The following SMOC2 variants were observed in gnomAD, a reference collection of about 807,000 sequenced individuals.
The protein encoded by SMOC2 is SPARC related modular calcium binding 2.
In SMOC2, 39 loss-of-function variants were observed where a neutral mutation model predicts 61.4. The observed-to-expected ratio is 0.64, with a 90% CI of 0.49 to 0.83. SMOC2 has a LOEUF of 0.83. Ranked by LOEUF, SMOC2 falls within the 40% of genes least tolerant of loss-of-function variation. SMOC2 has a pLI of 0.00. For synonymous variants in SMOC2, 247 were observed against 239.9 expected, an observed-to-expected ratio of 1.03 and a Z score of -0.27; for missense variants, 556 against 592.9, an observed-to-expected ratio of 0.94 and a Z score of 0.65.
chr6:168,650,837 G>GA, intron 10 of SMOC2, 54 bp downstream of exon 10: 1 of 1,513,880 alleles, frequency 6.6e-7, no homozygotes, highest in East Asian at 2.4e-5. Flanking sequence ...GAATTCTGGG[G>GA]AATCTGGAAA....
intron 1 of SMOC2, among the ~76,000 whole-genome samples, chr6:168,469,704 T>G (rs3900774): frequency 0.13 from 20,087 of 152,004 alleles, 2,638 homozygotes; most frequent in East Asian, 0.44. Context: ...GCAGAGCTGG[T>G]CGGAGCCGAT....
chr6:168,634,213 G>C (rs1440212764), intron 9 of SMOC2, among the ~76,000 whole-genome samples: 1 of 152,132 alleles, frequency 6.6e-6, no homozygotes, highest in Admixed American at 6.5e-5. Flanking sequence ...AGAGCCTGTA[G>C]TCTATCATTG....
chr6:168,635,881 A>T (rs1786703316), intron 9 of SMOC2, among the ~76,000 whole-genome samples: 1 of 151,766 alleles, frequency 6.6e-6, no homozygotes, highest in South Asian at 2.1e-4. Context: ...AAAAAAAAAA[A>T]AAAAGTTTAC....
intron 1 of SMOC2, among the ~76,000 whole-genome samples, chr6:168,464,204 AG>A (rs1781775421): frequency 1.4e-5 from 2 of 146,166 alleles, no homozygotes; most frequent in African/African-American, 2.6e-5. Flanking sequence ...AAAAAAAAAG[AG>A]GAAGGAAGAA....
intron 11 of SMOC2, among the ~76,000 whole-genome samples, chr6:168,658,974 G>T (rs896647524): frequency 6.6e-6 from 1 of 150,382 alleles, no homozygotes; most frequent in Admixed American, 6.6e-5. Context: ...TGGTGTGTGT[G>T]TATGGTGTGT....
chr6:168,551,151 TCTC>T (rs1368992896), intron 7 of SMOC2, among the ~76,000 whole-genome samples: 3 of 152,186 alleles, frequency 2.0e-5, no homozygotes, highest in African/African-American at 4.8e-5. Context: ...GCTGGGCACT[TCTC>T]CTTCCTGCTG....
intron 9 of SMOC2, among the ~76,000 whole-genome samples, chr6:168,630,955 C>T (rs1786552435): frequency 6.6e-6 from 1 of 152,184 alleles, no homozygotes; most frequent in African/African-American, 2.4e-5. Context: ...GACAATGGTG[C>T]CCAAAACTTC....
intron 9 of SMOC2, among the ~76,000 whole-genome samples, chr6:168,643,197 G>A (rs1000518618): frequency 1.3e-5 from 2 of 152,130 alleles, no homozygotes; most frequent in African/African-American, 4.8e-5. Context: ...CAGGGCTCCT[G>A]GGTCCTCCCA....
chr6:168,639,615 C>T (rs1786840549), intron 9 of SMOC2, among the ~76,000 whole-genome samples: 2 of 152,108 alleles, frequency 1.3e-5, no homozygotes, highest in African/African-American at 2.4e-5. Context: ...TTTATCTAAC[C>T]GTAGCTTAAG....
intron 1 of SMOC2, among the ~76,000 whole-genome samples, chr6:168,484,630 A>G (rs887778556): frequency 6.6e-6 from 1 of 152,234 alleles, no homozygotes; most frequent in African/African-American, 2.4e-5. Context: ...TCTCAAAGAG[A>G]TATTTGTATA....
intron 8 of SMOC2, among the ~76,000 whole-genome samples, chr6:168,600,877 G>A (rs1031005657): frequency 3.9e-5 from 6 of 152,206 alleles, no homozygotes; most frequent in Non-Finnish European, 5.9e-5. Context: ...TTGGAGCAAC[G>A]TGAGGGTTTT....
chr6:168,584,239 G>A (rs1784994870), intron 7 of SMOC2, among the ~76,000 whole-genome samples: 2 of 152,244 alleles, frequency 1.3e-5, no homozygotes, highest in African/African-American at 4.8e-5. Context: ...CCACCTGTGA[G>A]ATAGCTCCTC....
chr6:168,508,053 G>A (rs911738716), intron 1 of SMOC2, among the ~76,000 whole-genome samples: 1 of 152,114 alleles, frequency 6.6e-6, no homozygotes, highest in African/African-American at 2.4e-5. Context: ...GGAGCTCTGA[G>A]GACCCCGCCT....
chr6:168,545,491 A>G (rs1037655521), intron 5 of SMOC2, among the ~76,000 whole-genome samples: 5 of 152,200 alleles, frequency 3.3e-5, no homozygotes, highest in African/African-American at 9.6e-5. Context: ...GCAGCCACCA[A>G]TGGCCTTGTT....
At chr6:168,558,233 G>T (rs184274381) in intron 7 of SMOC2, among the ~76,000 whole-genome samples, 129 of 152,362 alleles carry the variant, frequency 8.5e-4, no homozygotes, top group Non-Finnish European at 1.6e-3. Flanking sequence ...CCTTCTCATT[G>T]TCTTATTTAG....
intron 7 of SMOC2, among the ~76,000 whole-genome samples, chr6:168,550,637 T>A (rs1784109668): frequency 6.6e-6 from 1 of 151,984 alleles, no homozygotes. Flanking sequence ...CTGTGTGGCA[T>A]CTTCTTGTTA....
intron 1 of SMOC2, among the ~76,000 whole-genome samples, chr6:168,505,896 C>T (rs559025519): frequency 6.6e-6 from 1 of 152,302 alleles, no homozygotes; most frequent in South Asian, 2.1e-4. Context: ...GCCAGTGCTG[C>T]CCTGTCTTCT....
intron 7 of SMOC2, among the ~76,000 whole-genome samples, chr6:168,588,155 G>A (rs1309183198): frequency 3.9e-5 from 4 of 101,894 alleles, no homozygotes; most frequent in African/African-American, 6.2e-5. Flanking sequence ...ATGGAGTCTC[G>A]CTCTGTCACC....
intron 2 of SMOC2, among the ~76,000 whole-genome samples, chr6:168,524,821 G>A (rs949611943): frequency 5.3e-5 from 8 of 152,246 alleles, no homozygotes; most frequent in South Asian, 2.1e-4. Context: ...GTGTAGGCCC[G>A]TAATGCTCTA....
Sources: allele counts gnomAD v4.1 joint callset (sites outside exome capture counted in the v4.1 genomes callset), GRCh38; gene constraint gnomAD v4.1.1; transcripts MANE v1.5; gene names NCBI Gene and HGNC (gene_info 2026-07-23, HGNC 2026-07-21).